Variants in SOAT1 observed in about 807,000 individuals in gnomAD.
SOAT1 encodes the protein acyl-coenzyme A:cholesterol acyltransferase 1.
In SOAT1, 55 loss-of-function variants were observed where a neutral mutation model predicts 69.5. The observed-to-expected ratio is 0.79, with a 90% CI of 0.64 to 0.99. The LOEUF is 0.99. Ranked by LOEUF, SOAT1 falls within the 50% of genes least tolerant of loss-of-function variation. The pLI, the probability that SOAT1 is intolerant of heterozygous loss-of-function variation, is 0.00. For missense variants in SOAT1, 580 were observed against 669.3 expected, an observed-to-expected ratio of 0.87 and a Z score of 1.47; for synonymous variants, 231 against 224.7, an observed-to-expected ratio of 1.03 and a Z score of -0.25.
intron 1 of SOAT1, among the ~76,000 whole-genome samples, chr1:179,298,074 C>T (rs1664712387): frequency 6.6e-6 from 1 of 150,952 alleles, no homozygotes; most frequent in African/African-American, 2.4e-5. Context: ...GTTACTAGAT[C>T]ATGGTAAGGA....
intron 12 of SOAT1, among the ~76,000 whole-genome samples, chr1:179,348,512 G>T (rs151149667): frequency 6.6e-6 from 1 of 152,062 alleles, no homozygotes; most frequent in African/African-American, 2.4e-5. Context: ...GTAGGGTAAG[G>T]GGGGTGGGGC....
chr1:179,347,241 C>A (rs1471200098), intron 11 of SOAT1, among the ~76,000 whole-genome samples: 2 of 151,690 alleles, frequency 1.3e-5, no homozygotes, highest in Admixed American at 6.6e-5. Flanking sequence ...GCCTGTAGTT[C>A]CAGCTACTTG....
At chr1:179,329,680 A>T (rs1346713222) in intron 3 of SOAT1, among the ~76,000 whole-genome samples, 1 of 150,832 alleles carries the variant, frequency 6.6e-6, no homozygotes, top group Non-Finnish European at 1.5e-5. Context: ...ACACCACTGC[A>T]CTCCAGCCTG....
chr1:179,312,413 C>G (rs557573248), intron 2 of SOAT1, among the ~76,000 whole-genome samples: 2 of 152,268 alleles, frequency 1.3e-5, no homozygotes, highest in East Asian at 1.9e-4. Flanking sequence ...ATGATGACTT[C>G]TATCAGAAGA....
intron 1 of SOAT1, 112 bp downstream of exon 1, chr1:179,294,048 GGGCTGT>G (rs1250840881): frequency 6.6e-6 from 1 of 152,308 alleles, no homozygotes; most frequent in African/African-American, 2.4e-5. Context: ...GCCTTGTCCT[GGGCTGT>G]GCTGCGGAGA....
Position 179,302,774 on chromosome 1 carries a change from A to G in SOAT1, c.90A>G (p.Ala30=), listed in dbSNP as rs1028871530. ...AAGATGAAGACCAGAGAAACCCTGCAAAGGAGTCCCTAGAGACACCTAGTA... is the reference window on the plus strand; with the variant it reads ...AAGATGAAGACCAGAGAAACCCTGCGAAGGAGTCCCTAGAGACACCTAGTA... The part of the protein sequence containing the change: ...PEEDEDQRNP[A]KESLETPSNG... Residue 30 remains alanine, a synonymous_variant, in exon 2 of 16, where the codon GCA becomes GCG. Transcript: ENST00000367619. 2 of 1,600,084 alleles carry G rather than the reference A, an allele frequency of 1.2e-6. No homozygotes were observed. Among genetic ancestry groups the G allele is most frequent in the African/African-American group, 2.7e-5 (2 of 73,774 alleles).
At chr1:179,295,156 A>C (rs10798656) in intron 1 of SOAT1, among the ~76,000 whole-genome samples, 76,314 of 151,946 alleles carry the variant, frequency 0.5, 20,043 homozygotes, top group East Asian at 0.84. Context: ...AGCACACTCT[A>C]TCTCTGGTTC....
rs374741883 is a variant in SOAT1 at position 179,342,168 on chromosome 1, C to G, written c.835C>G (p.Leu279Val). 4 of 1,613,288 alleles carry G rather than the reference C, an allele frequency of 2.5e-6. No homozygotes were observed. The highest frequency in any genetic ancestry group is 3.4e-6 in the Non-Finnish European group (4 of 1,179,482). Reference protein sequence around the residue: ...SFVRENVPRVLNSAKEKSSTV... With the variant: ...SFVRENVPRVVNSAKEKSSTV... The stretch of plus-strand genomic sequence containing the variant: ...TGTCAGAGAGAACGTGCCTCGGGTA[C>G]TAAATTCAGCTAAGGAGAAATCAAG... The change falls in exon 8 of 16, where the codon CTA becomes GTA. Residue 279 changes from leucine (L) to valine (V), a missense_variant. Physicochemically the swap from Leu to Val is conservative, Grantham distance 32 (BLOSUM62 1). Transcript: ENST00000367619.
At chr1:179,346,344 A>T (rs1666532774) in intron 11 of SOAT1, among the ~76,000 whole-genome samples, 1 of 152,252 alleles carries the variant, frequency 6.6e-6, no homozygotes, top group Non-Finnish European at 1.5e-5. Context: ...AGTGAAAGAG[A>T]TGGACATATA....
At chr1:179,345,104 A>G (rs1230014231) in intron 11 of SOAT1, 28 bp downstream of exon 11, 14 of 1,610,046 alleles carry the variant, frequency 8.7e-6, no homozygotes, top group Admixed American at 1.7e-5. Flanking sequence ...TAATTTGGTC[A>G]TGCATAAATT....
chr1:179,335,975 A>G (rs12035050), intron 4 of SOAT1, among the ~76,000 whole-genome samples: 1 of 152,000 alleles, frequency 6.6e-6, no homozygotes, highest in Non-Finnish European at 1.5e-5. Flanking sequence ...CCTGGCCAAC[A>G]TGGTTATTTA....
rs1666844147 is a variant in SOAT1, at chr1:179,354,456, T to C, written c.*815T>C. 1 of 152,244 alleles carries C rather than the reference T, an allele frequency of 6.6e-6. No individual in the cohort carries two copies. The highest frequency in any genetic ancestry group is 2.4e-5 in the African/African-American group (1 of 41,464). 9.4% of individuals were successfully genotyped at this position (152,244 alleles called of 1,614,324 possible). On this transcript the variant is annotated 3_prime_UTR_variant, in exon 16 of 16. Transcript: ENST00000367619. ...AGTCAATCATGTGTTTAAATTATTTTATCACAAACTTAACATGGAAGATAT... is the reference window on the plus strand; with the variant it reads ...AGTCAATCATGTGTTTAAATTATTTCATCACAAACTTAACATGGAAGATAT...
intron 3 of SOAT1, 129 bp downstream of exon 3, chr1:179,323,624 A>G: frequency 5.4e-6 from 4 of 745,764 alleles, no homozygotes; most frequent in Non-Finnish European, 8.8e-6. Context: ...ATCCTGTGGA[A>G]CAAGAAAATA....
intron 2 of SOAT1, among the ~76,000 whole-genome samples, chr1:179,320,331 T>G (rs1270239246): frequency 6.6e-6 from 1 of 152,194 alleles, no homozygotes; most frequent in Non-Finnish European, 1.5e-5. Flanking sequence ...CGAAAATCAA[T>G]TATTAATAAT....
chr1:179,319,799 A>T (rs1401174069), intron 2 of SOAT1, among the ~76,000 whole-genome samples: 1 of 151,936 alleles, frequency 6.6e-6, no homozygotes, highest in Non-Finnish European at 1.5e-5. Flanking sequence ...TATTTTCAGT[A>T]GAGAAGGGGT....
In SOAT1 at chr1:179,335,568, C is replaced by T; in HGVS notation, c.240C>T (p.Leu80=). Residue 80 remains leucine (L), a synonymous_variant, in exon 4 of 16, where the codon CTC becomes CTT. Coordinates refer to ENST00000367619, the MANE Select transcript of SOAT1 (RefSeq NM_003101.6). The part of the protein sequence containing the change: ...GSHFDDFVTN[L]IEKSASLDNG... ...ACTTTGATGATTTTGTGACCAATCT[C>T]ATTGAAAAGTCAGCATCATTAGATA... The T allele has an allele frequency of 6.2e-7, 1 of 1,613,710 alleles. No homozygotes were observed. The highest frequency in any genetic ancestry group is 8.5e-7 in the Non-Finnish European group (1 of 1,179,674).
chr1:179,344,935 G>T lies in SOAT1; in HGVS notation c.988-12G>T. The T allele has an allele frequency of 6.2e-7, 1 of 1,613,738 alleles. No homozygotes were observed. Among genetic ancestry groups the T allele is most frequent in the Non-Finnish European group, 8.5e-7 (1 of 1,179,806 alleles). ...CCATCGTTATTATAATTCTGTCTCT[G>T]TTATGTTCCAGGTCTTTGGTTGCTT... On this transcript the variant is annotated splice_polypyrimidine_tract_variant and intron_variant, in intron 10 of 15. Coordinates refer to ENST00000367619, the MANE Select transcript of SOAT1 (RefSeq NM_003101.6).
In SOAT1 at chr1:179,357,362, C is replaced by G. The variant is rs1227169501; in HGVS notation, c.*3721C>G. On this transcript the variant is annotated 3_prime_UTR_variant, in exon 16 of 16. Coordinates refer to ENST00000367619, the MANE Select transcript of SOAT1 (RefSeq NM_003101.6). ...GCATTACAGGTGCCTGCCACCATGTCCAGCTAATTTTTGTGTTTTTAGTAG... is the reference window on the plus strand; with the variant it reads ...GCATTACAGGTGCCTGCCACCATGTGCAGCTAATTTTTGTGTTTTTAGTAG... 1 of 152,286 alleles carries G rather than the reference C, an allele frequency of 6.6e-6. No homozygotes were observed. Among genetic ancestry groups the G allele is most frequent in the Non-Finnish European group, 1.5e-5 (1 of 68,178 alleles). The allele number at this position is 152,286 out of a possible 1,614,324, so 9.4% of individuals were successfully genotyped here.
intron 11 of SOAT1, among the ~76,000 whole-genome samples, chr1:179,347,244 G>C (rs1426916395): frequency 7.9e-5 from 12 of 151,482 alleles, no homozygotes; most frequent in Admixed American, 2.6e-4. Context: ...TGTAGTTCCA[G>C]CTACTTGGGA....
Sources: allele counts gnomAD v4.1 joint callset (sites outside exome capture counted in the v4.1 genomes callset), GRCh38; gene constraint gnomAD v4.1.1; transcripts MANE v1.5; gene names NCBI Gene and HGNC (gene_info 2026-07-23, HGNC 2026-07-21).